The following UBE2W variants were observed in gnomAD, a reference collection of about 807,000 sequenced individuals.
The protein encoded by UBE2W is ubiquitin conjugating enzyme E2 W.
UBE2W carries 18 observed loss-of-function variants against 27.2 expected under a neutral mutation model. The observed-to-expected ratio is 0.66, with a 90% CI of 0.46 to 0.98. UBE2W has a LOEUF of 0.98. UBE2W is among the 50% of genes least tolerant of loss of function. UBE2W has a pLI of 0.00. For synonymous variants in UBE2W, 53 were observed against 57.2 expected (o/e 0.93, Z 0.33); for missense variants, 90 against 180.2 (o/e 0.50, Z 2.87).
intron 1 of UBE2W, among the ~76,000 whole-genome samples, chr8:73,871,808 T>C (rs561602511): frequency 1.3e-5 from 2 of 152,304 alleles, no homozygotes; most frequent in African/African-American, 4.8e-5. Flanking sequence ...AGATCATCCC[T>C]TTATTTTTTA....
At chr8:73,849,604 T>C (rs183168755) in intron 1 of UBE2W, among the ~76,000 whole-genome samples, 3 of 143,114 alleles carry the variant, frequency 2.1e-5, no homozygotes, top group Admixed American at 2.1e-4. Flanking sequence ...GAAAAAGAAC[T>C]CAATCCAAAA....
chr8:73,819,456 C>T (rs1005730465), intron 3 of UBE2W, among the ~76,000 whole-genome samples: 1 of 152,146 alleles, frequency 6.6e-6, no homozygotes, highest in Non-Finnish European at 1.5e-5. Context: ...TAAAGGCAGG[C>T]CCAATGCCTT....
chr8:73,812,992 C>T (rs951436990), intron 3 of UBE2W, among the ~76,000 whole-genome samples: 2 of 135,236 alleles, frequency 1.5e-5, no homozygotes, highest in Admixed American at 8.2e-5. Flanking sequence ...GCGACAAGAG[C>T]GAAACTCGGC....
At position 73,793,647 on chromosome 8, in the gene UBE2W, A is replaced by T; in HGVS notation, c.*455T>A. The T allele has an allele frequency of 3.0e-6, 3 of 986,946 alleles. No individual in the cohort carries two copies. The highest frequency in any genetic ancestry group is 3.6e-6 in the Non-Finnish European group (3 of 830,772). The allele number at this position is 986,946 out of a possible 1,614,324, so 61.1% of individuals were successfully genotyped here. The stretch of plus-strand genomic sequence containing the variant: ...ATGTTGGATCCCTCACTTTATTTAT[A>T]TTCCCACTATAACCAGTAAGTTCAT... On this transcript the variant is annotated 3_prime_UTR_variant, in exon 6 of 6. Coordinates refer to ENST00000602593, the MANE Select transcript of UBE2W (RefSeq NM_018299.6).
Position 73,788,879 on chromosome 8 carries a change from C to T in UBE2W, c.*5223G>A. 1 of 985,296 alleles carries T rather than the reference C, an allele frequency of 1.0e-6. No homozygotes were observed. The highest frequency in any genetic ancestry group is 1.2e-6 in the Non-Finnish European group (1 of 829,906). The allele number at this position is 985,296 out of a possible 1,614,324, so 61.0% of individuals were successfully genotyped here. ...CACTCACCATATTAAAACTGGAGTTCTTGAGGTATGTTAAGATAGATCAGC... is the reference window on the plus strand; with the variant it reads ...CACTCACCATATTAAAACTGGAGTTTTTGAGGTATGTTAAGATAGATCAGC... On this transcript the variant is annotated 3_prime_UTR_variant, in exon 6 of 6. Transcript: ENST00000602593.
intron 2 of UBE2W, among the ~76,000 whole-genome samples, chr8:73,826,909 C>A (rs1191635986): frequency 1.3e-5 from 2 of 152,170 alleles, no homozygotes; most frequent in Non-Finnish European, 2.9e-5. Context: ...GCAAAAGCTG[C>A]ATACAAAACA....
At chr8:73,818,717 G>T (rs1161633402) in intron 3 of UBE2W, among the ~76,000 whole-genome samples, 1 of 152,214 alleles carries the variant, frequency 6.6e-6, no homozygotes, top group African/African-American at 2.4e-5. Flanking sequence ...ATGGCTTGGT[G>T]ATGTCCTCGA....
intron 1 of UBE2W, among the ~76,000 whole-genome samples, chr8:73,841,400 T>A (rs553941537): frequency 1.2e-4 from 19 of 152,184 alleles, no homozygotes; most frequent in Non-Finnish European, 2.5e-4. Context: ...GTTTTCCCTT[T>A]CAGGAAAGAG....
At chr8:73,858,562 G>T (rs1323244210) in intron 1 of UBE2W, among the ~76,000 whole-genome samples, 1 of 150,430 alleles carries the variant, frequency 6.6e-6, no homozygotes, top group South Asian at 2.1e-4. Flanking sequence ...TAAAAATTCA[G>T]TATATTAACT....
intron 5 of UBE2W, chr8:73,796,629 G>T: frequency 1.0e-6 from 1 of 984,546 alleles, no homozygotes; most frequent in Middle Eastern, 5.2e-4. Context: ...TCGTTTTGAA[G>T]AAACAAATGA....
At position 73,792,734 on chromosome 8, in the gene UBE2W, G is replaced by T; in HGVS notation, c.*1368C>A. ...AAATACATTAATCACTTTTTAAAAA[G>T]AACTTAGTTGTAGTATCATTAACTC... On this transcript the variant is annotated 3_prime_UTR_variant, in exon 6 of 6. Transcript: ENST00000602593. 1.0e-6 allele frequency: 1 copy of T among 985,132 alleles called. No homozygotes were observed. Among genetic ancestry groups the T allele is most frequent in the Non-Finnish European group, 1.2e-6 (1 of 829,354 alleles). 61.0% of individuals were successfully genotyped at this position (985,132 alleles called of 1,614,324 possible). A position where few individuals can be genotyped will look rare whatever the true frequency, so the allele number is the denominator to read the frequency against.
At chr8:73,795,297 T>G (rs1262847182) in intron 5 of UBE2W, among the ~76,000 whole-genome samples, 2 of 152,184 alleles carry the variant, frequency 1.3e-5, no homozygotes, top group Non-Finnish European at 2.9e-5. Context: ...AGGAATGGTT[T>G]GGTGCCCTCC....
chr8:73,820,350 C>T (rs1431626008), intron 3 of UBE2W, among the ~76,000 whole-genome samples: 3 of 152,060 alleles, frequency 2.0e-5, no homozygotes, highest in African/African-American at 4.8e-5. Context: ...AAAATTTTAA[C>T]GTATTACTGG....
chr8:73,808,532 C>T (rs1323847270), intron 4 of UBE2W, among the ~76,000 whole-genome samples: 1 of 152,228 alleles, frequency 6.6e-6, no homozygotes, highest in African/African-American at 2.4e-5. Context: ...TGCACCTGGC[C>T]TAAAACACTT....
At chr8:73,799,693 G>A (rs1425393611) in intron 5 of UBE2W, among the ~76,000 whole-genome samples, 1 of 152,166 alleles carries the variant, frequency 6.6e-6, no homozygotes, top group Non-Finnish European at 1.5e-5. Context: ...GAGGACTGTG[G>A]AGCTTGAGAC....
intron 3 of UBE2W, among the ~76,000 whole-genome samples, chr8:73,816,509 C>T (rs188091100): frequency 4.6e-5 from 7 of 152,106 alleles, no homozygotes; most frequent in African/African-American, 1.4e-4. Context: ...GAAAAGGGTC[C>T]GTGGTAAGGA....
At position 73,789,921 on chromosome 8, in the gene UBE2W, T is replaced by A; in HGVS notation, c.*4181A>T. 1.0e-6 allele frequency: 1 copy of A among 981,888 alleles called. No individual in the cohort carries two copies. Among genetic ancestry groups the A allele is most frequent in the Non-Finnish European group, 1.2e-6 (1 of 826,838 alleles). The allele number at this position is 981,888 out of a possible 1,614,324, so 60.8% of individuals were successfully genotyped here. A position where few individuals can be genotyped will look rare whatever the true frequency, so the allele number is the denominator to read the frequency against. On this transcript the variant is annotated 3_prime_UTR_variant, in exon 6 of 6. Coordinates refer to ENST00000602593, the MANE Select transcript of UBE2W (RefSeq NM_018299.6). ...AAATTTAAATGGAAAAAATAAATAA[T>A]TTGCTTGGACAATAATTTGGCTTTG...
In UBE2W at chr8:73,787,384, A is replaced by C; in HGVS notation, c.*6718T>G. On this transcript the variant is annotated 3_prime_UTR_variant, in exon 6 of 6. Coordinates refer to ENST00000602593, the MANE Select transcript of UBE2W (RefSeq NM_018299.6). ...CAGGGTAGCTTAAACTAATGGAGAA[A>C]AGTCAAATCCTACTATGGAAAGTAG... 1.0e-6 allele frequency: 1 copy of C among 985,428 alleles called. No homozygotes were observed. The highest frequency in any genetic ancestry group is 4.7e-5 in the South Asian group (1 of 21,292). The allele number at this position is 985,428 out of a possible 1,614,324, so 61.0% of individuals were successfully genotyped here. A position where few individuals can be genotyped will look rare whatever the true frequency, so the allele number is the denominator to read the frequency against.
chr8:73,869,657 C>T (rs1035965593), intron 1 of UBE2W, among the ~76,000 whole-genome samples: 4 of 151,954 alleles, frequency 2.6e-5, no homozygotes, highest in Admixed American at 2.6e-4. Context: ...TGCCACTGCA[C>T]TCCAGTCTGG....
Sources: gnomAD v4.1 joint callset for allele counts (sites outside exome capture counted in the v4.1 genomes callset) on GRCh38, gnomAD v4.1.1 for gene constraint, MANE v1.5 for transcripts, NCBI Gene and HGNC (gene_info 2026-07-23, HGNC 2026-07-21) for gene names.